Variants in ARNT2 observed in about 807,000 individuals in gnomAD.
ARNT2 encodes ARNT protein 2.
Under a neutral mutation model 91.7 loss-of-function variants are expected in ARNT2, and 36 were observed. The ratio of observed to expected loss-of-function variants is 0.39; its 90% CI spans 0.30 to 0.52. The LOEUF is 0.52. ARNT2 is among the 20% of genes least tolerant of loss of function. The pLI, the probability that ARNT2 is intolerant of heterozygous loss-of-function variation, is 0.72. For missense variants in ARNT2, 775 were observed against 939.3 expected (o/e 0.83, Z 2.29); for synonymous variants, 365 against 347.1 (o/e 1.05, Z -0.57).
At chr15:80,480,316 C>T (rs1408636455) in intron 5 of ARNT2, among the ~76,000 whole-genome samples, 1 of 152,076 alleles carries the variant, frequency 6.6e-6, no homozygotes, top group Non-Finnish European at 1.5e-5. Context: ...AGAGAGCAAG[C>T]AGGGAGCAGC....
intron 12 of ARNT2, among the ~76,000 whole-genome samples, chr15:80,569,874 C>T (rs775676427): frequency 6.6e-6 from 1 of 152,258 alleles, no homozygotes; most frequent in Non-Finnish European, 1.5e-5. Context: ...GGCACAGCTA[C>T]ACAACTGCGC....
At chr15:80,467,614 C>T (rs1006755581) in intron 3 of ARNT2, among the ~76,000 whole-genome samples, 2 of 152,224 alleles carry the variant, frequency 1.3e-5, no homozygotes, top group African/African-American at 4.8e-5. Flanking sequence ...CGTGTACTGC[C>T]CATGATCTTA....
At chr15:80,503,396 G>A (rs770404637) in intron 5 of ARNT2, among the ~76,000 whole-genome samples, 8 of 152,178 alleles carry the variant, frequency 5.3e-5, no homozygotes, top group African/African-American at 7.2e-5. Context: ...CCTGAAGAGC[G>A]GCTTCATTGT....
chr15:80,451,693 CCAAT>C (rs891946841), intron 2 of ARNT2, among the ~76,000 whole-genome samples: 3 of 151,754 alleles, frequency 2.0e-5, no homozygotes, highest in Non-Finnish European at 2.9e-5. Context: ...AACCAACCAA[CCAAT>C]CAACCAACTA....
chr15:80,429,174 G>A (rs1303520737), intron 1 of ARNT2, among the ~76,000 whole-genome samples: 1 of 152,198 alleles, frequency 6.6e-6, no homozygotes. Context: ...GGAGTGATAA[G>A]AGTGTCTTTT....
intron 12 of ARNT2, among the ~76,000 whole-genome samples, chr15:80,571,474 T>C (rs1199637940): frequency 6.6e-6 from 1 of 152,216 alleles, no homozygotes; most frequent in Non-Finnish European, 1.5e-5. Flanking sequence ...CACACACAGT[T>C]GGTGCACCCT....
chr15:80,486,366 T>C (rs536741403), intron 5 of ARNT2, among the ~76,000 whole-genome samples: 18 of 152,236 alleles, frequency 1.2e-4, no homozygotes, highest in African/African-American at 4.3e-4. Context: ...ATTGTAACAG[T>C]GGAGATGGAG....
At chr15:80,465,416 G>A (rs1326933735) in intron 3 of ARNT2, among the ~76,000 whole-genome samples, 3 of 152,156 alleles carry the variant, frequency 2.0e-5, no homozygotes, top group South Asian at 2.1e-4. Context: ...GGCCTGGAGA[G>A]GGGTGTGGAC....
intron 5 of ARNT2, among the ~76,000 whole-genome samples, chr15:80,491,725 G>A (rs1449462902): frequency 6.7e-6 from 1 of 149,978 alleles, no homozygotes; most frequent in Non-Finnish European, 1.5e-5. Context: ...TCCAAGAAGA[G>A]AAGAAATTAA....
At chr15:80,479,461 A>G (rs1896854012) in intron 5 of ARNT2, among the ~76,000 whole-genome samples, 1 of 152,204 alleles carries the variant, frequency 6.6e-6, no homozygotes, top group South Asian at 2.1e-4. Context: ...TTACCATACA[A>G]CAATGACACT....
rs147393535 is a variant in ARNT2 at position 80,518,622 on chromosome 15, C to T, written c.877+4217C>T. 1.6e-3 allele frequency among the ~76,000 whole-genome samples: 241 copies of T among 152,160 alleles called. 3 individuals are homozygous for T. The East Asian group carries it at 0.02, about 13-fold the overall frequency. ...ATAGTCTTAAATAGAGTATGCCTTGCAGCTATTTGAGCCCTGTTGATGTGG... is the reference window on the plus strand; with the variant it reads ...ATAGTCTTAAATAGAGTATGCCTTGTAGCTATTTGAGCCCTGTTGATGTGG... On this transcript the variant is annotated intron_variant, in intron 8 of 18. Transcript: ENST00000303329.
chr15:80,446,004 G>A (rs1468197363), intron 1 of ARNT2, among the ~76,000 whole-genome samples: 2 of 152,104 alleles, frequency 1.3e-5, no homozygotes, highest in Non-Finnish European at 2.9e-5. Flanking sequence ...GTTAGCATCT[G>A]TGTGTGTGTA....
intron 17 of ARNT2, among the ~76,000 whole-genome samples, chr15:80,585,733 CGCAGGTAAAACTGACTCACAGGAG>C (rs1898884051): frequency 6.6e-6 from 1 of 152,110 alleles, no homozygotes; most frequent in South Asian, 2.1e-4. Context: ...AGGGAGTGCC[CGCAGGTAAAACTGACTCACAGGAG>C]GCAGCCTCTG....
Position 80,594,900 on chromosome 15 carries a change from A to G in ARNT2, c.*1202A>G, listed in dbSNP as rs1251344033. 6.6e-6 allele frequency: 1 copy of G among 152,198 alleles called. No individual in the cohort carries two copies. Among genetic ancestry groups the G allele is most frequent in the Admixed American group, 6.5e-5 (1 of 15,282 alleles). 9.4% of individuals were successfully genotyped at this position (152,198 alleles called of 1,614,324 possible). The stretch of plus-strand genomic sequence containing the variant: ...AGCAGCTCTGGGAGGCACAGAGTGC[A>G]GGTCTCAGGGGCAGAAGACATGGGT... On this transcript the variant is annotated 3_prime_UTR_variant, in exon 19 of 19. Transcript: ENST00000303329.
chr15:80,438,044 A>G (rs1231953979), intron 1 of ARNT2, among the ~76,000 whole-genome samples: 1 of 152,014 alleles, frequency 6.6e-6, no homozygotes, highest in East Asian at 1.9e-4. Flanking sequence ...ATGGCTGAGC[A>G]TCTATGTTTG....
chr15:80,478,326 T>C (rs1057092217), intron 5 of ARNT2, among the ~76,000 whole-genome samples: 3 of 152,088 alleles, frequency 2.0e-5, no homozygotes, highest in Admixed American at 2.0e-4. Flanking sequence ...TGGCCAAGGG[T>C]GTAGCCAGCT....
intron 6 of ARNT2, among the ~76,000 whole-genome samples, chr15:80,511,195 CAT>C (rs1348094821): frequency 6.6e-6 from 1 of 151,982 alleles, no homozygotes; most frequent in Non-Finnish European, 1.5e-5. Context: ...ACTATACAGT[CAT>C]AAAAAAGAAA....
At chr15:80,554,559 T>C (rs1467286230) in intron 10 of ARNT2, 1 of 154,644 alleles carries the variant, frequency 6.5e-6, no homozygotes, top group East Asian at 1.9e-4. Context: ...TAATGCTATG[T>C]CCTTTGAATG....
At chr15:80,458,903 T>C (rs530488507) in intron 3 of ARNT2, among the ~76,000 whole-genome samples, 1 of 152,182 alleles carries the variant, frequency 6.6e-6, no homozygotes, top group Admixed American at 6.5e-5. Context: ...GTATCCATGC[T>C]CCATAGTTTG....
Sources: allele counts gnomAD v4.1 joint callset (sites outside exome capture counted in the v4.1 genomes callset), GRCh38; gene constraint gnomAD v4.1.1; transcripts MANE v1.5; gene names NCBI Gene and HGNC (gene_info 2026-07-23, HGNC 2026-07-21).